The following MBNL2 variants were observed in gnomAD, a reference collection of about 807,000 sequenced individuals.
The protein encoded by MBNL2 is muscleblind-like protein 2.
MBNL2 carries 17 observed loss-of-function variants against 41.9 expected under a neutral mutation model. The ratio of observed to expected loss-of-function variants is 0.41; its 90% CI spans 0.28 to 0.61. The LOEUF (loss-of-function observed/expected upper bound fraction) is 0.61. Among genes scored for constraint, MBNL2 ranks in the 20% least tolerant of loss-of-function variants. MBNL2 has a pLI of 0.35. For missense variants in MBNL2, 336 were observed against 505.6 expected, an observed-to-expected ratio of 0.66 and a Z score of 3.22; for synonymous variants, 195 against 182.9, an observed-to-expected ratio of 1.07 and a Z score of -0.53.
At chr13:97,347,301 C>A (rs542369379) in intron 5 of MBNL2, among the ~76,000 whole-genome samples, 1 of 152,310 alleles carries the variant, frequency 6.6e-6, no homozygotes, top group East Asian at 1.9e-4. Context: ...GTCCTGGGGT[C>A]CCTGAGCTCC....
chr13:97,241,336 G>A (rs1290335683), intron 1 of MBNL2, among the ~76,000 whole-genome samples: 1 of 152,158 alleles, frequency 6.6e-6, no homozygotes, highest in Non-Finnish European at 1.5e-5. Context: ...GGAAAGAAGT[G>A]TGGTACAGAG....
intron 2 of MBNL2, among the ~76,000 whole-genome samples, chr13:97,317,372 G>C (rs1048907911): frequency 1.3e-5 from 2 of 152,204 alleles, no homozygotes; most frequent in African/African-American, 4.8e-5. Flanking sequence ...ACCCCACAGA[G>C]TGTCAAAGTA....
chr13:97,351,468 A>G (rs2062446220), intron 5 of MBNL2, among the ~76,000 whole-genome samples: 1 of 152,214 alleles, frequency 6.6e-6, no homozygotes, highest in Non-Finnish European at 1.5e-5. Flanking sequence ...CCTAGTTGAC[A>G]TCTTCCAATA....
chr13:97,178,839 G>T, the MBNL2 span, among the ~76,000 whole-genome samples: 71 of 152,288 alleles, frequency 4.7e-4, no homozygotes, highest in African/African-American at 1.5e-3. Context: ...CGAGGCTGCA[G>T]TGAGCCATGA....
chr13:97,196,463 A>G, the MBNL2 span, among the ~76,000 whole-genome samples: 1 of 152,182 alleles, frequency 6.6e-6, no homozygotes, highest in Admixed American at 6.5e-5. Flanking sequence ...AGGTGTAGGC[A>G]TAGTAAAGTG....
chr13:97,374,305 G>C (rs891228268), intron 8 of MBNL2, among the ~76,000 whole-genome samples: 1 of 151,194 alleles, frequency 6.6e-6, no homozygotes, highest in African/African-American at 2.4e-5. Flanking sequence ...CCGCCACTAC[G>C]CCCAGCTAAT....
At chr13:97,175,215 C>A in the MBNL2 span, among the ~76,000 whole-genome samples, 1 of 152,116 alleles carries the variant, frequency 6.6e-6, no homozygotes, top group Admixed American at 6.5e-5. Flanking sequence ...CTCTTCCTAC[C>A]CAATCCTTCC....
At chr13:97,207,292 T>TA in the MBNL2 span, among the ~76,000 whole-genome samples, 4 of 152,210 alleles carry the variant, frequency 2.6e-5, no homozygotes, top group Non-Finnish European at 5.9e-5. Flanking sequence ...GTGTATTTTT[T>TA]ATATTAACAG....
intron 8 of MBNL2, among the ~76,000 whole-genome samples, chr13:97,377,366 G>A (rs1380411087): frequency 1.3e-5 from 2 of 152,192 alleles, no homozygotes; most frequent in African/African-American, 4.8e-5. Context: ...ATAAAACTCA[G>A]TCTCCTAATA....
chr13:97,231,308 G>A (rs908240225), intron 1 of MBNL2, among the ~76,000 whole-genome samples: 3 of 152,208 alleles, frequency 2.0e-5, no homozygotes, highest in African/African-American at 7.2e-5. Flanking sequence ...TAAAAATGTA[G>A]ACTCTGATTC....
chr13:97,386,512 C>T (rs756137087), intron 8 of MBNL2, among the ~76,000 whole-genome samples: 1 of 152,200 alleles, frequency 6.6e-6, no homozygotes, highest in African/African-American at 2.4e-5. Context: ...ATCTTTCCTG[C>T]CTGGCCCCAG....
Position 97,334,148 on chromosome 13 carries a change from C to CCACCCACA in MBNL2, c.175-125_175-124insCCACACAC, listed in dbSNP as rs556478210. 1.1e-5 allele frequency: 6 copies of CCACCCACA among 547,336 alleles called. No homozygotes were observed. Among genetic ancestry groups the CCACCCACA allele is most frequent in the African/African-American group, 6.1e-5 (3 of 49,562 alleles). The allele number at this position is 547,336 out of a possible 1,614,324, so 33.9% of individuals were successfully genotyped here. ...AACACATGAGCATGCGCGCGCACAC[C>CCACCCACA]CACACACACACACACACACACACAC... On this transcript the variant is annotated intron_variant, in intron 2 of 8. Transcript: ENST00000679496. This position sits in a 1 kb window ranked among gnomAD's most constrained non-coding sequence, Gnocchi z 5.3.
the MBNL2 span, among the ~76,000 whole-genome samples, chr13:97,204,758 C>T: frequency 6.6e-6 from 1 of 152,080 alleles, no homozygotes; most frequent in African/African-American, 2.4e-5. Flanking sequence ...AGTGCTGGGT[C>T]CCCCAGGTCA....
At chr13:97,165,597 T>A in the MBNL2 span, among the ~76,000 whole-genome samples, 1 of 152,042 alleles carries the variant, frequency 6.6e-6, no homozygotes, top group African/African-American at 2.4e-5. Flanking sequence ...CTAGAAAAAA[T>A]TAAAATGTTT....
chr13:97,351,013 T>G (rs1040864563), intron 5 of MBNL2, among the ~76,000 whole-genome samples: 1 of 152,230 alleles, frequency 6.6e-6, no homozygotes, highest in African/African-American at 2.4e-5. Context: ...CCTTACAAAA[T>G]GTATTTCTCG....
At chr13:97,234,844 T>C (rs2042982374) in intron 1 of MBNL2, among the ~76,000 whole-genome samples, 1 of 152,236 alleles carries the variant, frequency 6.6e-6, no homozygotes, top group East Asian at 1.9e-4. Flanking sequence ...ATTTTCGCAG[T>C]AGCGCTCAGT....
intron 8 of MBNL2, among the ~76,000 whole-genome samples, chr13:97,390,207 A>G (rs191847917): frequency 1.4e-4 from 21 of 152,344 alleles, no homozygotes; most frequent in Non-Finnish European, 2.5e-4. Context: ...CAATAAAATA[A>G]AGAATACTCA....
chr13:97,186,364 A>G, the MBNL2 span, among the ~76,000 whole-genome samples: 1 of 152,180 alleles, frequency 6.6e-6, no homozygotes, highest in Non-Finnish European at 1.5e-5. Context: ...TCAGAGTTCC[A>G]TTAGATCTCT....
chr13:97,342,501 T>C (rs2061519598), intron 3 of MBNL2, among the ~76,000 whole-genome samples: 1 of 152,226 alleles, frequency 6.6e-6, no homozygotes, highest in Non-Finnish European at 1.5e-5. Context: ...TACATGCTAG[T>C]GATGGAATAC....
Sources: allele counts gnomAD v4.1 joint callset (sites outside exome capture counted in the v4.1 genomes callset), GRCh38; gene constraint gnomAD v4.1.1; non-coding constraint Gnocchi (gnomAD v3.1); transcripts MANE v1.5; gene names NCBI Gene and HGNC (gene_info 2026-07-23, HGNC 2026-07-21).